ANKRD36: variants seen among roughly 807,000 people sequenced by gnomAD.
ANKRD36 encodes the protein ankyrin repeat domain-containing protein 36A.
Under a neutral mutation model 278.1 loss-of-function variants are expected in ANKRD36, and 179 were observed. The ratio of observed to expected loss-of-function variants is 0.64; its 90% CI spans 0.57 to 0.73. The LOEUF (loss-of-function observed/expected upper bound fraction) is 0.73, where lower values mean the gene tolerates loss of function less well. Among genes scored for constraint, ANKRD36 ranks in the 30% least tolerant of loss-of-function variants. The pLI is 0.00. For synonymous variants in ANKRD36, 320 were observed against 641.1 expected, an observed-to-expected ratio of 0.50 and a Z score of 7.57; for missense variants, 1,159 against 1,956.7, an observed-to-expected ratio of 0.59 and a Z score of 7.69.
At chr2:97,250,404 T>G (rs561708100) in intron 75 of ANKRD36, among the ~76,000 whole-genome samples, 4 of 143,692 alleles carry the variant, frequency 2.8e-5, no homozygotes, top group African/African-American at 9.9e-5. Context: ...GCAAGAAATC[T>G]GTGTATCCCT....
At chr2:97,131,537 A>G (rs1368109286) in intron 6 of ANKRD36, among the ~76,000 whole-genome samples, 2 of 151,954 alleles carry the variant, frequency 1.3e-5, no homozygotes, top group Non-Finnish European at 2.9e-5. Flanking sequence ...TTAAAGTCCT[A>G]TTGGCCCTTA....
intron 17 of ANKRD36, 131 bp downstream of exon 17, chr2:97,158,786 C>T (rs1370077026): frequency 1.4e-5 from 14 of 982,620 alleles, no homozygotes; most frequent in South Asian, 1.8e-5. Context: ...ATATTTTTCC[C>T]GTGCTTTATT....
At chr2:97,162,720 T>C (rs1260934754) in intron 18 of ANKRD36, among the ~76,000 whole-genome samples, 3 of 144,742 alleles carry the variant, frequency 2.1e-5, no homozygotes, top group South Asian at 2.2e-4. Context: ...CTTCTCTCTA[T>C]AGGGGTTACA....
chr2:97,113,654 C>T lies in ANKRD36; in HGVS notation c.-86C>T. 1 of 1,576,378 alleles carries T rather than the reference C, an allele frequency of 6.3e-7. No homozygotes were observed. On this transcript the variant is annotated 5_prime_UTR_variant, in exon 1 of 76. Transcript: ENST00000420699. ...TGTGCGGAGGTCCGTGGACAGACTG[C>T]TTTGCTCGTTGTTGCTCTTCGGAGG...
chr2:97,178,474 T>G (rs1251531947), intron 22 of ANKRD36, among the ~76,000 whole-genome samples: 5 of 151,858 alleles, frequency 3.3e-5, no homozygotes, highest in African/African-American at 9.6e-5. Context: ...GTGGCACATA[T>G]ACACCATGGA....
At chr2:97,165,975 G>A (rs2050541207) in intron 20 of ANKRD36, among the ~76,000 whole-genome samples, 1 of 151,964 alleles carries the variant, frequency 6.6e-6, no homozygotes, top group East Asian at 1.9e-4. Flanking sequence ...TGAAGATGTT[G>A]CTGCATTGAG....
In ANKRD36 at chr2:97,200,584, C is replaced by T. The variant is rs112920594; in HGVS notation, c.2857+59C>T. On this transcript the variant is annotated intron_variant, in intron 46 of 75. Transcript: ENST00000420699. ...AGTCCAGATAAGAAGTTCTCTTCCC[C>T]GAATAAATCAGTCGGGGGCTGGTTG... 1,302 of 1,535,066 alleles carry T rather than the reference C, an allele frequency of 8.5e-4. 10 individuals are homozygous for T. In the African/African-American group the frequency reaches 0.015, roughly 18 times the overall value.
chr2:97,139,466 GAT>G (rs1168423587), intron 6 of ANKRD36, among the ~76,000 whole-genome samples: 2 of 147,116 alleles, frequency 1.4e-5, no homozygotes, highest in Non-Finnish European at 3.0e-5. Context: ...TAAAATCAGT[GAT>G]ATATATTTCA....
At chr2:97,164,495 T>C (rs2050097962) in intron 20 of ANKRD36, 26 bp downstream of exon 20, 1 of 1,532,158 alleles carries the variant, frequency 6.5e-7, no homozygotes, top group Non-Finnish European at 8.7e-7. Context: ...CAAATTTCGT[T>C]CTAGAAAATG....
At chr2:97,262,930 C>T (rs189187895) in intron 75 of ANKRD36, among the ~76,000 whole-genome samples, 15 of 145,042 alleles carry the variant, frequency 1.0e-4, no homozygotes, top group African/African-American at 3.6e-4. Flanking sequence ...CCAAACAAAC[C>T]TCTGTTCCTT....
intron 40 of ANKRD36, 90 bp downstream of exon 40, chr2:97,195,007 G>A: frequency 2.0e-6 from 3 of 1,484,546 alleles, no homozygotes; most frequent in East Asian, 2.5e-5. Context: ...GGTCAAAGAT[G>A]CACATTCTGA....
chr2:97,260,377 T>TATAC (rs1553500899), intron 75 of ANKRD36, among the ~76,000 whole-genome samples: 3 of 125,214 alleles, frequency 2.4e-5, no homozygotes, highest in Non-Finnish European at 4.7e-5. Flanking sequence ...TATATATATA[T>TATAC]ATACACACAT....
At chr2:97,132,987 T>G (rs2153432192) in intron 6 of ANKRD36, among the ~76,000 whole-genome samples, 1 of 152,172 alleles carries the variant, frequency 6.6e-6, no homozygotes, top group East Asian at 1.9e-4. Context: ...ATTCCACACT[T>G]CCAGAAGAAA....
At chr2:97,115,571 C>A (rs148175269) in intron 1 of ANKRD36, among the ~76,000 whole-genome samples, 4 of 151,822 alleles carry the variant, frequency 2.6e-5, no homozygotes, top group Non-Finnish European at 5.9e-5. Context: ...GTTCAAGCAA[C>A]CTATGCACAT....
At chr2:97,178,221 C>G (rs2054921894) in intron 22 of ANKRD36, among the ~76,000 whole-genome samples, 1 of 151,686 alleles carries the variant, frequency 6.6e-6, no homozygotes, top group Non-Finnish European at 1.5e-5. Flanking sequence ...CACTTTTACA[C>G]TGTTGGTGGG....
At chr2:97,206,959 G>C (rs2063025578) in intron 52 of ANKRD36, among the ~76,000 whole-genome samples, 1 of 151,340 alleles carries the variant, frequency 6.6e-6, no homozygotes. Flanking sequence ...TCCCAAGAAG[G>C]CTATTTTAGA....
rs370476287 is a variant in ANKRD36 at position 97,170,902 on chromosome 2, A to G, written c.1633+3135A>G. On this transcript the variant is annotated intron_variant, in intron 22 of 75. Transcript: ENST00000420699. ...AAAAGTGGGCGAAGGACATGAACAGACACTTCTCAAAAGAAGACATTTATG... is the reference window on the plus strand; with the variant it reads ...AAAAGTGGGCGAAGGACATGAACAGGCACTTCTCAAAAGAAGACATTTATG... 1.2e-4 allele frequency among the ~76,000 whole-genome samples: 18 copies of G among 148,500 alleles called. 1 individual carries two copies. The highest frequency in any genetic ancestry group is 5.4e-4 in the Admixed American group (8 of 14,804).
intron 23 of ANKRD36, 47 bp downstream of exon 23, chr2:97,179,813 A>G (rs1244485233): frequency 6.3e-7 from 1 of 1,599,188 alleles, no homozygotes; most frequent in Non-Finnish European, 8.5e-7. Flanking sequence ...TGTATAGTCT[A>G]TGAAACCTAC....
chr2:97,173,308 C>A (rs201659882), intron 22 of ANKRD36, among the ~76,000 whole-genome samples: 1 of 150,582 alleles, frequency 6.6e-6, no homozygotes, highest in Non-Finnish European at 1.5e-5. Context: ...GAGAGGAAAA[C>A]AGGTAGGATA....
Sources: allele counts gnomAD v4.1 joint callset (sites outside exome capture counted in the v4.1 genomes callset), GRCh38; gene constraint gnomAD v4.1.1; transcripts MANE v1.5; gene names NCBI Gene and HGNC (gene_info 2026-07-23, HGNC 2026-07-21).